ROBO2: variants seen among roughly 807,000 people sequenced by gnomAD.
ROBO2 encodes the protein roundabout guidance receptor 2.
ROBO2 carries 53 observed loss-of-function variants against 160.8 expected under a neutral mutation model. The ratio of observed to expected loss-of-function variants is 0.33; its 90% CI spans 0.26 to 0.41. The LOEUF is 0.41. ROBO2 is among the 10% of genes least tolerant of loss of function. The probability of loss-of-function intolerance (pLI) is 1.00; values close to 1 mark genes in which losing one functional copy is unlikely to be tolerated. For missense variants in ROBO2, 1,577 were observed against 1,722.4 expected (o/e 0.92, Z 1.49); for synonymous variants, 664 against 611.7 (o/e 1.09, Z -1.26).
intron 2 of ROBO2, among the ~76,000 whole-genome samples, chr3:77,348,613 T>G (rs1417468258): frequency 6.6e-6 from 1 of 152,326 alleles, no homozygotes; most frequent in East Asian, 1.9e-4. Context: ...GAGTTGCTCT[T>G]GTTCACACGC....
At chr3:77,515,695 T>A (rs1042941902) in intron 5 of ROBO2, among the ~76,000 whole-genome samples, 5 of 151,780 alleles carry the variant, frequency 3.3e-5, no homozygotes, top group Admixed American at 1.3e-4. Context: ...ACATCAGGAT[T>A]TTTAAAAATT....
intron 1 of ROBO2, among the ~76,000 whole-genome samples, chr3:75,925,355 G>T (rs1037955152): frequency 6.6e-6 from 1 of 152,042 alleles, no homozygotes; most frequent in African/African-American, 2.4e-5. Flanking sequence ...ATGCCACTGC[G>T]CTCCAGTGTG....
chr3:76,048,155 G>T (rs565553123), intron 2 of ROBO2, among the ~76,000 whole-genome samples: 11 of 152,174 alleles, frequency 7.2e-5, no homozygotes, highest in Admixed American at 2.6e-4. Context: ...GGAGTAAATT[G>T]TTTGCATTCC....
chr3:77,078,948 G>A (rs1379975021), intron 1 of ROBO2, among the ~76,000 whole-genome samples: 8 of 151,998 alleles, frequency 5.3e-5, no homozygotes, highest in Non-Finnish European at 1.2e-4. Context: ...TTTATTGATT[G>A]ATTGATTGAT....
At position 76,840,453 on chromosome 3, in the gene ROBO2, C is replaced by CA. The variant is rs1258079252; in HGVS notation, c.110-257553dup. Among the ~76,000 whole-genome samples, 19 of 149,944 alleles carry CA rather than the reference C, an allele frequency of 1.3e-4. No homozygotes were observed. In the South Asian group the frequency reaches 3.6e-3, roughly 28 times the overall value. ...TGAAACCCCGTCTCTACTAAAAATA[C>CA]AAAAAAAATAGCTGGGTGTGGTGGC... On this transcript the variant is annotated intron_variant, in intron 2 of 26. Transcript: ENST00000487694.
exon 9 of ROBO2, chr3:77,558,030 A>G (rs1269716605): frequency 6.2e-7 from 1 of 1,613,304 alleles, no homozygotes; most frequent in South Asian, 1.1e-5. Flanking sequence ...ACTGAAATGT[A>G]AAGCCACTGG....
chr3:75,934,660 ACAT>A (rs369730788), intron 1 of ROBO2, among the ~76,000 whole-genome samples: 1 of 152,200 alleles, frequency 6.6e-6, no homozygotes, highest in Non-Finnish European at 1.5e-5. Context: ...TTTTCCATAA[ACAT>A]CAACTCAGAG....
At chr3:76,142,961 T>TAA (rs989992736) in intron 2 of ROBO2, among the ~76,000 whole-genome samples, 4 of 151,832 alleles carry the variant, frequency 2.6e-5, no homozygotes, top group African/African-American at 9.7e-5. Context: ...AAAATAAAAA[T>TAA]AAATAGTGGT....
chr3:77,495,828 A>T (rs562618644), intron 5 of ROBO2, among the ~76,000 whole-genome samples: 1 of 152,324 alleles, frequency 6.6e-6, no homozygotes, highest in East Asian at 1.9e-4. Context: ...AAAATAGAGA[A>T]TTGTAAGTGT....
In ROBO2 at chr3:77,563,456, T is replaced by C. The variant is rs2093391311; in HGVS notation, c.1682+127T>C. 4.3e-6 allele frequency: 4 copies of C among 931,784 alleles called. No homozygotes were observed. In the Admixed American group the frequency reaches 8.5e-5, roughly 20 times the overall value. The allele number at this position is 931,784 out of a possible 1,614,324, so 57.7% of individuals were successfully genotyped here. On this transcript the variant is annotated intron_variant, in intron 11 of 25. Coordinates refer to ENST00000461745, the Ensembl canonical transcript of ROBO2. The stretch of plus-strand genomic sequence containing the variant: ...TCAATGCATTTTAAGAATTGATCTC[T>C]TCTCTCTGACTTTATTCAAGAACAG...
intron 2 of ROBO2, among the ~76,000 whole-genome samples, chr3:76,709,291 G>A (rs985379575): frequency 1.3e-5 from 2 of 152,198 alleles, no homozygotes; most frequent in South Asian, 4.1e-4. Context: ...TGGTTCAGCA[G>A]CTCAACAATG....
At position 76,227,243 on chromosome 3, in the gene ROBO2, C is replaced by T. The variant is rs987056598; in HGVS notation, c.109+289641C>T. Among the ~76,000 whole-genome samples the T allele has an allele frequency of 5.9e-5, 9 of 152,152 alleles. No individual in the cohort carries two copies. The East Asian group carries it at 9.6e-4, about 16-fold the overall frequency. On this transcript the variant is annotated intron_variant, in intron 2 of 26. Coordinates refer to the ROBO2 transcript ENST00000487694. ...GCCAGCACATTGCTGGTCGGCCTGTCGTTAGCTCTGTTCTTAATGTTCTGC... is the reference window on the plus strand; with the variant it reads ...GCCAGCACATTGCTGGTCGGCCTGTTGTTAGCTCTGTTCTTAATGTTCTGC...
intron 2 of ROBO2, among the ~76,000 whole-genome samples, chr3:76,774,598 C>G (rs2062117444): frequency 1.3e-5 from 2 of 150,666 alleles, no homozygotes; most frequent in Non-Finnish European, 1.5e-5. Flanking sequence ...TGTAAAACTG[C>G]CAGAGATCTT....
At chr3:76,755,934 C>T (rs2060944989) in intron 2 of ROBO2, among the ~76,000 whole-genome samples, 2 of 151,622 alleles carry the variant, frequency 1.3e-5, no homozygotes, top group African/African-American at 4.8e-5. Context: ...GAGATACTAC[C>T]CTACTCACCT....
At chr3:77,409,202 G>A (rs993994312) in intron 2 of ROBO2, among the ~76,000 whole-genome samples, 1 of 151,018 alleles carries the variant, frequency 6.6e-6, no homozygotes, top group African/African-American at 2.4e-5. Context: ...GCAACAAGTT[G>A]CTAATTCATA....
At chr3:77,373,184 A>G (rs972338077) in intron 2 of ROBO2, among the ~76,000 whole-genome samples, 1 of 147,566 alleles carries the variant, frequency 6.8e-6, no homozygotes, top group Non-Finnish European at 1.5e-5. Flanking sequence ...AAAATATTAT[A>G]TTTTAAAATT....
At chr3:76,892,090 A>G (rs2074391070) in intron 2 of ROBO2, among the ~76,000 whole-genome samples, 1 of 152,056 alleles carries the variant, frequency 6.6e-6, no homozygotes. Flanking sequence ...AAGGATTTTC[A>G]GGAAACCTGT....
intron 1 of ROBO2, among the ~76,000 whole-genome samples, chr3:77,067,014 TCACACACACACACTCACACACA>T (rs1359665905): frequency 7.5e-6 from 1 of 133,048 alleles, no homozygotes; most frequent in Non-Finnish European, 1.5e-5. Flanking sequence ...TCACACACTC[TCACACACACACACTCACACACA>T]CACACACACA....
chr3:77,325,841 T>G (rs2065323366), intron 2 of ROBO2, among the ~76,000 whole-genome samples: 1 of 152,206 alleles, frequency 6.6e-6, no homozygotes, highest in Non-Finnish European at 1.5e-5. Flanking sequence ...TTGATCCTCA[T>G]TTGACAGTAC....
Sources: gnomAD v4.1 joint callset for allele counts (sites outside exome capture counted in the v4.1 genomes callset) on GRCh38, gnomAD v4.1.1 for gene constraint, MANE v1.5 for transcripts, NCBI Gene and HGNC (gene_info 2026-07-23, HGNC 2026-07-21) for gene names.